The following LIMS1 variants were observed in gnomAD, a reference collection of about 807,000 sequenced individuals.
LIMS1 encodes the protein LIM and senescent cell antigen-like-containing domain protein 1.
LIMS1 carries 18 observed loss-of-function variants against 44.1 expected under a neutral mutation model. The ratio of observed to expected loss-of-function variants is 0.41; its 90% CI spans 0.28 to 0.61. The LOEUF is 0.61. Ranked by LOEUF, LIMS1 falls within the 20% of genes least tolerant of loss-of-function variation. The probability of loss-of-function intolerance (pLI) is 0.32; values close to 1 mark genes in which losing one functional copy is unlikely to be tolerated. For missense variants in LIMS1, 201 were observed against 422.0 expected (o/e 0.48, Z 4.59); for synonymous variants, 93 against 149.1 (o/e 0.62, Z 2.74).
chr2:108,674,451 A>G (rs1278279200), intron 5 of LIMS1, among the ~76,000 whole-genome samples: 5 of 149,400 alleles, frequency 3.3e-5, no homozygotes, highest in Admixed American at 2.7e-4. Context: ...GGCCAGGTGC[A>G]GTGGCACACG....
At chr2:108,585,901 A>G (rs1354285344) in intron 1 of LIMS1, among the ~76,000 whole-genome samples, 2 of 152,146 alleles carry the variant, frequency 1.3e-5, no homozygotes, top group Admixed American at 6.5e-5. Flanking sequence ...CTTTTAGAAA[A>G]TGGTGTCTGA....
intron 1 of LIMS1, among the ~76,000 whole-genome samples, chr2:108,535,119 G>A (rs1258845749): frequency 1.3e-5 from 2 of 152,182 alleles, no homozygotes; most frequent in Non-Finnish European, 2.9e-5. Flanking sequence ...GGGACGACTG[G>A]CGTCCTTTAC....
At chr2:108,541,438 G>T (rs1684311403) in intron 1 of LIMS1, among the ~76,000 whole-genome samples, 1 of 152,214 alleles carries the variant, frequency 6.6e-6, no homozygotes, top group East Asian at 1.9e-4. Flanking sequence ...AGATTCAACA[G>T]GATTTGTTTT....
intron 9 of LIMS1, chr2:108,681,356 G>A (rs1692981485): frequency 3.0e-6 from 3 of 984,450 alleles, no homozygotes; most frequent in African/African-American, 1.7e-5. Flanking sequence ...CAGTTTTGTG[G>A]TCATGTATTT....
intron 1 of LIMS1, among the ~76,000 whole-genome samples, chr2:108,559,079 C>G (rs1685026028): frequency 6.6e-6 from 1 of 152,210 alleles, no homozygotes; most frequent in South Asian, 2.1e-4. Flanking sequence ...CTAAGCCTTG[C>G]TTAGCTAAGC....
intron 5 of LIMS1, chr2:108,673,246 A>G (rs1303057886): frequency 4.5e-6 from 3 of 673,112 alleles, no homozygotes; most frequent in Non-Finnish European, 7.4e-6. Flanking sequence ...GTGTGTATAC[A>G]GTCCACATTC....
chr2:108,546,966 C>T (rs185638545), intron 1 of LIMS1, among the ~76,000 whole-genome samples: 73 of 152,024 alleles, frequency 4.8e-4, no homozygotes, highest in African/African-American at 1.3e-3. Flanking sequence ...TAGTCTGTTA[C>T]GGAAAAAATG....
intron 5 of LIMS1, 118 bp from the exon 6 acceptor site, chr2:108,675,760 G>A: frequency 7.5e-7 from 1 of 1,326,050 alleles, no homozygotes; most frequent in African/African-American, 1.5e-5. Context: ...GGGGAAAAAA[G>A]AAATTTGCAG....
rs146619578 is a variant in LIMS1 at position 108,610,914 on chromosome 2, T to C, written c.33-48691T>C. On this transcript the variant is annotated intron_variant, in intron 1 of 9. Coordinates refer to ENST00000544547, the Ensembl canonical transcript of LIMS1. ...AAGTTGCAGAGGTCAGGAGCTCAGATAATCCTCACATAGTCCTCACCTAGC... is the reference window on the plus strand; with the variant it reads ...AAGTTGCAGAGGTCAGGAGCTCAGACAATCCTCACATAGTCCTCACCTAGC... Among the ~76,000 whole-genome samples, 510 of 152,256 alleles carry C rather than the reference T, an allele frequency of 3.3e-3. 2 individuals are homozygous for C. The highest frequency in any genetic ancestry group is 0.011 in the African/African-American group (467 of 41,578).
chr2:108,625,945 C>T (rs553116596), intron 1 of LIMS1, among the ~76,000 whole-genome samples: 16 of 152,312 alleles, frequency 1.1e-4, no homozygotes, highest in Admixed American at 7.2e-4. Flanking sequence ...ATTAATTGAA[C>T]CCCTGTTATA....
chr2:108,665,824 A>G (rs147678452), intron 2 of LIMS1, among the ~76,000 whole-genome samples: 1,736 of 152,224 alleles, frequency 0.011, 36 homozygotes, highest in Middle Eastern at 0.037. Flanking sequence ...GCGCCCAGCC[A>G]ACAGCTTTCC....
chr2:108,660,166 C>A lies in LIMS1; in HGVS notation c.192+402C>A, dbSNP rs1377778709. On this transcript the variant is annotated intron_variant, in intron 2 of 9. Transcript: ENST00000544547. ...CCCCCTTCTCAGAGGACCACTGGAC[C>A]TGCTCTAAAGGAGAGCGTGTGGTGT... is the stretch of plus-strand genomic sequence containing the variant. The A allele has an allele frequency of 1.0e-5, 5 of 484,880 alleles. No individual in the cohort carries two copies. The Admixed American group carries it at 1.2e-4, about 11-fold the overall frequency. 30.0% of individuals were successfully genotyped at this position (484,880 alleles called of 1,614,324 possible).
At chr2:108,639,128 A>C (rs1026286540) in intron 1 of LIMS1, among the ~76,000 whole-genome samples, 3 of 152,194 alleles carry the variant, frequency 2.0e-5, no homozygotes, top group Non-Finnish European at 2.9e-5. Flanking sequence ...ACAACATTAT[A>C]TCCAATGAAA....
At chr2:108,554,747 T>C (rs1684866205) in intron 1 of LIMS1, among the ~76,000 whole-genome samples, 1 of 152,132 alleles carries the variant, frequency 6.6e-6, no homozygotes, top group South Asian at 2.1e-4. Flanking sequence ...CATGACGCTC[T>C]CAGGAGGCGG....
In LIMS1 at chr2:108,609,275, TCTC is replaced by T. The variant is rs568579752; in HGVS notation, c.33-50326_33-50324del. ...GTTTACCTGGCAAAGCATAAAGGCT[TCTC>T]CTCTGGAGTCTTCTCTTCCCTCCCC... is the stretch of plus-strand genomic sequence containing the variant. On this transcript the variant is annotated intron_variant, in intron 1 of 9. Coordinates refer to ENST00000544547, the Ensembl canonical transcript of LIMS1. Among the ~76,000 whole-genome samples, 12 of 152,310 alleles carry T rather than the reference TCTC, an allele frequency of 7.9e-5. No homozygotes were observed. The South Asian group carries it at 2.5e-3, about 32-fold the overall frequency.
chr2:108,632,100 T>C (rs1688964805), intron 1 of LIMS1, among the ~76,000 whole-genome samples: 1 of 152,068 alleles, frequency 6.6e-6, no homozygotes. Flanking sequence ...GCCTCCTGAG[T>C]AGCTGGGAGT....
At chr2:108,534,322 G>A (rs1469997425), upstream of LIMS1, 2 of 198,758 alleles carry the variant, frequency 1.0e-5, no homozygotes, top group East Asian at 1.1e-4. Context: ...GCCCTTCGGC[G>A]CCCGCCCCGC....
chr2:108,544,854 C>G (rs983260374), intron 1 of LIMS1, among the ~76,000 whole-genome samples: 1 of 152,134 alleles, frequency 6.6e-6, no homozygotes, highest in Non-Finnish European at 1.5e-5. Flanking sequence ...TTTTTTCACT[C>G]TTCTCTCCCC....
chr2:108,611,377 G>A (rs13396667), intron 1 of LIMS1, among the ~76,000 whole-genome samples: 3,219 of 152,210 alleles, frequency 0.021, 49 homozygotes, highest in Non-Finnish European at 0.025. Context: ...ATTGAGCCCC[G>A]GGGAAGGAAT....
Sources: allele counts gnomAD v4.1 joint callset (sites outside exome capture counted in the v4.1 genomes callset), GRCh38; gene constraint gnomAD v4.1.1; transcripts MANE v1.5; gene names NCBI Gene and HGNC (gene_info 2026-07-23, HGNC 2026-07-21).